FREM3: variants seen among roughly 807,000 people sequenced by gnomAD.
The protein encoded by FREM3 is FRAS1-related extracellular matrix protein 3.
In FREM3, 105 loss-of-function variants were observed where a neutral mutation model predicts 129.1. The observed-to-expected ratio is 0.81, with a 90% CI of 0.69 to 0.96. The LOEUF (loss-of-function observed/expected upper bound fraction) is 0.96, where lower values mean the gene tolerates loss of function less well. FREM3 is among the 40% of genes least tolerant of loss of function. The pLI is 0.00. For missense variants in FREM3, 2,593 were observed against 2,666.3 expected (o/e 0.97, Z 0.61); for synonymous variants, 1,014 against 1,044.9 (o/e 0.97, Z 0.57).
intron 2 of FREM3, among the ~76,000 whole-genome samples, chr4:143,630,092 A>G (rs1739111714): frequency 6.6e-6 from 1 of 152,256 alleles, no homozygotes; most frequent in East Asian, 1.9e-4. Context: ...TGGGCCTGCC[A>G]CTTATGAGCC....
At chr4:143,644,626 A>T (rs1739382553) in intron 2 of FREM3, among the ~76,000 whole-genome samples, 1 of 152,202 alleles carries the variant, frequency 6.6e-6, no homozygotes, top group African/African-American at 2.4e-5. Context: ...TTATAATAAT[A>T]GCTTCTATAA....
intron 2 of FREM3, among the ~76,000 whole-genome samples, chr4:143,642,388 C>T (rs903225971): frequency 6.6e-6 from 1 of 152,090 alleles, no homozygotes; most frequent in Non-Finnish European, 1.5e-5. Context: ...CCTCAAAATA[C>T]ACTACAAAGA....
At chr4:143,598,429 T>C (rs979691125) in intron 6 of FREM3, among the ~76,000 whole-genome samples, 13 of 152,190 alleles carry the variant, frequency 8.5e-5, no homozygotes, top group African/African-American at 2.7e-4. Flanking sequence ...ACTCTAGTTT[T>C]GTTCTCAGTA....
At chr4:143,684,947 C>CAATA (rs58630726) in intron 2 of FREM3, among the ~76,000 whole-genome samples, 1 of 151,732 alleles carries the variant, frequency 6.6e-6, no homozygotes, top group East Asian at 1.9e-4. Context: ...TAACCCAATC[C>CAATA]AAGAAAGAAA....
chr4:143,662,713 A>T (rs1370999318), intron 2 of FREM3, among the ~76,000 whole-genome samples: 3 of 151,844 alleles, frequency 2.0e-5, no homozygotes, highest in Non-Finnish European at 4.4e-5. Context: ...ATTGTGTGGG[A>T]GTCTAAGTCT....
In FREM3 at chr4:143,695,983, T is replaced by C; in HGVS notation, c.4693A>G (p.Ser1565Gly). 10 of 1,537,926 alleles carry C rather than the reference T, an allele frequency of 6.5e-6. No homozygotes were observed. Among genetic ancestry groups the C allele is most frequent in the African/African-American group, 1.4e-5 (1 of 73,162 alleles). Reference protein sequence around the residue: ...ITLLELTVEDSDTPDDLILFT... With the variant: ...ITLLELTVEDGDTPDDLILFT... ...AGAATAAGGTCATCTGGGGTATCAC[T>C]GTCTTCCACTGTCAACTCAAGGAGA... The change falls in exon 1 of 8, where the codon AGT becomes GGT. Residue 1565 changes from serine (S) to glycine (G), a missense_variant. This residue lies in a region of FREM3 where 2,276 missense variants were observed against 2,267.2 expected (regional missense o/e 1.00). Transcript: ENST00000329798.
Position 143,695,681 on chromosome 4 carries a change from G to T in FREM3, c.4995C>A (p.Asn1665Lys). 1 of 1,537,228 alleles carries T rather than the reference G, an allele frequency of 6.5e-7. No individual in the cohort carries two copies. The highest frequency in any genetic ancestry group is 1.2e-5 in the South Asian group (1 of 84,058). Residue 1665 changes from asparagine to lysine, a missense_variant, in exon 1 of 8, where the codon AAC (asparagine) becomes AAA (lysine). Coordinates refer to ENST00000329798, the MANE Select transcript of FREM3 (RefSeq NM_001168235.2). ...GGCGCTTCAAGGCTGGGGCACCCCTGTTGGTAGTAATCTGGGGAAGCCTAT... is the reference window on the plus strand; with the variant it reads ...GGCGCTTCAAGGCTGGGGCACCCCTTTTGGTAGTAATCTGGGGAAGCCTAT... ...LDNRLPQITT[N>K]RGAPALKRLH... is the part of the protein sequence containing the mutation.
intron 5 of FREM3, among the ~76,000 whole-genome samples, chr4:143,614,309 ACATT>A (rs1738808727): frequency 6.6e-6 from 1 of 152,352 alleles, no homozygotes; most frequent in East Asian, 1.9e-4. Flanking sequence ...GTGAATACTG[ACATT>A]CATTTAAGTA....
At chr4:143,619,833 T>C (rs994557813) in intron 5 of FREM3, among the ~76,000 whole-genome samples, 6 of 152,024 alleles carry the variant, frequency 3.9e-5, no homozygotes, top group African/African-American at 1.4e-4. Flanking sequence ...AAATGATTAG[T>C]GCACCATCAG....
chr4:143,621,660 C>T (rs1738953474), intron 4 of FREM3, among the ~76,000 whole-genome samples: 1 of 152,134 alleles, frequency 6.6e-6, no homozygotes, highest in Non-Finnish European at 1.5e-5. Context: ...AGCTACAGGT[C>T]CTTCCCTCAA....
intron 2 of FREM3, among the ~76,000 whole-genome samples, chr4:143,638,595 C>CTAGA (rs2149845641): frequency 6.6e-6 from 1 of 152,262 alleles, no homozygotes; most frequent in African/African-American, 2.4e-5. Context: ...ATGTACTGAA[C>CTAGA]TAGAGGGTCC....
At chr4:143,654,403 C>T (rs2149849828) in intron 2 of FREM3, among the ~76,000 whole-genome samples, 2 of 152,184 alleles carry the variant, frequency 1.3e-5, no homozygotes, top group Middle Eastern at 6.8e-3. Flanking sequence ...CATGCCAGGC[C>T]CAAACTAAGG....
chr4:143,674,574 C>G (rs931972155), intron 2 of FREM3, among the ~76,000 whole-genome samples: 14 of 152,122 alleles, frequency 9.2e-5, no homozygotes, highest in Non-Finnish European at 1.8e-4. Context: ...GCTACAGGCT[C>G]CAATTAAAAG....
intron 2 of FREM3, among the ~76,000 whole-genome samples, chr4:143,675,153 C>A (rs1320800045): frequency 1.3e-5 from 2 of 152,182 alleles, no homozygotes; most frequent in African/African-American, 4.8e-5. Flanking sequence ...AAGCACTCCT[C>A]AGCAAATATA....
At chr4:143,635,612 G>A (rs796705446) in intron 2 of FREM3, among the ~76,000 whole-genome samples, 1 of 152,304 alleles carries the variant, frequency 6.6e-6, no homozygotes, top group African/African-American at 2.4e-5. Context: ...CACTGATTAA[G>A]AACTACTGGT....
chr4:143,699,954 T>C lies in FREM3; in HGVS notation c.722A>G (p.Asp241Gly), dbSNP rs1371244363. 9.8e-6 allele frequency: 15 copies of C among 1,524,056 alleles called. No individual in the cohort carries two copies. The highest frequency in any genetic ancestry group is 1.2e-5 in the Non-Finnish European group (14 of 1,139,092). The allele number at this position is 1,524,056 out of a possible 1,614,324, so 94.4% of individuals were successfully genotyped here. Residue 241 changes from aspartate to glycine, a missense_variant, in exon 1 of 8, where the codon GAC becomes GGC. Physicochemically the swap from Asp to Gly is moderately conservative, Grantham distance 94. Transcript: ENST00000329798. This position sits in a 1 kb window ranked among gnomAD's most constrained non-coding sequence, Gnocchi z 4.2. ...CCCAGCACGGAGGAAAGCCTCACAG[T>C]CTACGCCCTTGCCCCTGGGGAGAGG... ...GAPLPRGKGV[D>G]CEAFLRAGVR... is the part of the protein sequence containing the mutation.
At position 143,624,335 on chromosome 4, in the gene FREM3, A is replaced by G. The variant is rs1361216804; in HGVS notation, c.5426T>C (p.Ile1809Thr). 8 of 1,522,872 alleles carry G rather than the reference A, an allele frequency of 5.3e-6. No individual in the cohort carries two copies. The highest frequency in any genetic ancestry group is 7.1e-6 in the Non-Finnish European group (8 of 1,134,566). The allele number at this position is 1,522,872 out of a possible 1,614,324, so 94.3% of individuals were successfully genotyped here. ...GYLGETSFIS[I>T]GTKDETAKKD... ...TTTTGCAGTTTCATCTTTGGTACCA[A>G]TGCCTGAATAAAAATCAGAAAACTA... is the stretch of plus-strand genomic sequence containing the variant. The change falls in exon 4 of 8, where the codon ATT becomes ACT. Residue 1809 changes from isoleucine (I) to threonine (T), a missense_variant. Physicochemically the swap from Ile to Thr is moderately conservative, Grantham distance 89. Around this residue, in one of 2 missense-constraint regions of FREM3, gnomAD observed 2,276 missense variants for 2,267.2 expected, o/e 1.00. Transcript: ENST00000329798.
intron 2 of FREM3, among the ~76,000 whole-genome samples, chr4:143,682,512 A>G (rs2149859608): frequency 6.6e-6 from 1 of 152,302 alleles, no homozygotes; most frequent in Non-Finnish European, 1.5e-5. Context: ...AAGATTCTGT[A>G]TCCGGGCCCT....
intron 4 of FREM3, 29 bp downstream of exon 4, chr4:143,624,079 A>T: frequency 7.7e-7 from 1 of 1,304,722 alleles, no homozygotes; most frequent in Non-Finnish European, 1.1e-6. Flanking sequence ...TGTACTGGTT[A>T]ATAAAGCAAA....
Sources: gnomAD v4.1 joint callset for allele counts (sites outside exome capture counted in the v4.1 genomes callset) on GRCh38, gnomAD v4.1.1 for gene constraint, gnomAD v4.1.1 regional missense constraint, Gnocchi (gnomAD v3.1) non-coding constraint, MANE v1.5 for transcripts, NCBI Gene and HGNC (gene_info 2026-07-23, HGNC 2026-07-21) for gene names.